Variants in NAV3 observed in about 807,000 individuals in gnomAD.
The protein encoded by NAV3 is pore membrane and/or filament interacting like protein 1.
NAV3 carries 87 observed loss-of-function variants against 244.7 expected under a neutral mutation model. The ratio of observed to expected loss-of-function variants is 0.36; its 90% CI spans 0.30 to 0.42. The LOEUF (loss-of-function observed/expected upper bound fraction) is 0.42, where lower values mean the gene tolerates loss of function less well. NAV3 is among the 20% of genes least tolerant of loss of function. The pLI is 1.00. For synonymous variants in NAV3, 1,126 were observed against 1,042.2 expected, an observed-to-expected ratio of 1.08 and a Z score of -1.55; for missense variants, 2,663 against 2,893.3, an observed-to-expected ratio of 0.92 and a Z score of 1.83.
At chr12:77,998,526 A>G in intron 7 of NAV3, 50 bp downstream of exon 7, 1 of 1,513,294 alleles carries the variant, frequency 6.6e-7, no homozygotes, top group Admixed American at 2.1e-5. Context: ...GAGTCTTGTG[A>G]ATTGCATGCT....
At chr12:78,163,275 C>T (rs1465380876) in intron 23 of NAV3, among the ~76,000 whole-genome samples, 1 of 152,040 alleles carries the variant, frequency 6.6e-6, no homozygotes, top group Non-Finnish European at 1.5e-5. Flanking sequence ...GGATTCACTC[C>T]TAACACTTTT....
At position 78,059,047 on chromosome 12, in the gene NAV3, A is replaced by G. The variant is rs1205488624; in HGVS notation, c.2568A>G (p.Ile856Met). The change falls in exon 12 of 40, where the codon ATA becomes ATG. Residue 856 changes from isoleucine to methionine, a missense_variant. Transcript: ENST00000397909. The stretch of plus-strand genomic sequence containing the variant: ...TATATACTAGAAGTCTGAACCGAAT[A>G]CCAGACACAGCAACTTCCCGGGACA... ...LNLYTRSLNR[I>M]PDTATSRDII... 1.9e-6 allele frequency: 3 copies of G among 1,611,198 alleles called. No homozygotes were observed. Among genetic ancestry groups the G allele is most frequent in the Non-Finnish European group, 2.5e-6 (3 of 1,178,494 alleles).
At position 77,857,382 on chromosome 12, in the gene NAV3, A is replaced by C. The variant is rs1878552046; in HGVS notation, c.243+25678A>C. On this transcript the variant is annotated intron_variant, in intron 1 of 39. Transcript: ENST00000397909. ...TTTTTTGAAATTATGTGATAATTGTAATTTTTCTTTGGTGTTTAGTGTTAA... is the reference window on the plus strand; with the variant it reads ...TTTTTTGAAATTATGTGATAATTGTCATTTTTCTTTGGTGTTTAGTGTTAA... Among the ~76,000 whole-genome samples the C allele has an allele frequency of 1.3e-5, 2 of 151,900 alleles. 1 individual carries two copies. Among genetic ancestry groups the C allele is most frequent in the South Asian group, 4.1e-4 (2 of 4,824 alleles).
At chr12:77,699,158 C>T (rs1875447517) in intron 2 of NAV3, among the ~76,000 whole-genome samples, 1 of 152,060 alleles carries the variant, frequency 6.6e-6, no homozygotes, top group African/African-American at 2.4e-5. Context: ...AAGAATCTTG[C>T]AGGACATGAA....
intron 15 of NAV3, 115 bp downstream of exon 15, chr12:78,120,060 A>ATATC: frequency 2.1e-6 from 1 of 471,282 alleles, no homozygotes; most frequent in African/African-American, 2.3e-5. Context: ...AGGTATATAT[A>ATATC]TATCTTAGAA....
At chr12:77,820,613 T>C (rs1446600852) in intron 2 of NAV3, among the ~76,000 whole-genome samples, 1 of 152,118 alleles carries the variant, frequency 6.6e-6, no homozygotes, top group East Asian at 1.9e-4. Context: ...AGAGATGTGG[T>C]TTTCCAGTTA....
intron 2 of NAV3, among the ~76,000 whole-genome samples, chr12:77,726,913 C>T (rs1278221020): frequency 2.0e-5 from 3 of 151,758 alleles, no homozygotes; most frequent in South Asian, 2.1e-4. Flanking sequence ...TGTAAGACTT[C>T]GTATGCCAAG....
rs75952936 is a variant in NAV3, at chr12:77,949,568, C to T, written c.414+8435C>T. ...TTTTTTTATAGCAAATTTAAGTTCA[C>T]AGCAAAATTGGGAGAAAAGTACAGA... On this transcript the variant is annotated intron_variant, in intron 3 of 39. Coordinates refer to ENST00000397909, the MANE Select transcript of NAV3 (RefSeq NM_001024383.2). Among the ~76,000 whole-genome samples, 1,393 of 151,900 alleles carry T rather than the reference C, an allele frequency of 9.2e-3. 12 individuals are homozygous for T. Among genetic ancestry groups the T allele is most frequent in the Admixed American group, 0.014 (219 of 15,188 alleles).
chr12:77,663,430 A>G (rs1170029861), intron 2 of NAV3, among the ~76,000 whole-genome samples: 1 of 152,232 alleles, frequency 6.6e-6, no homozygotes, highest in African/African-American at 2.4e-5. Flanking sequence ...AGAAACATAC[A>G]AACAAAAAGA....
intron 1 of NAV3, among the ~76,000 whole-genome samples, chr12:77,892,613 C>T (rs751057849): frequency 2.0e-5 from 3 of 152,208 alleles, no homozygotes; most frequent in Middle Eastern, 6.8e-3. Context: ...GATGGGGTTT[C>T]ACGGTGTTAG....
intron 7 of NAV3, 21 bp from the exon 8 acceptor site, chr12:78,006,398 T>C (rs1385638282): frequency 1.9e-6 from 3 of 1,595,508 alleles, no homozygotes; most frequent in East Asian, 2.2e-5. Context: ...TTTCTTTATT[T>C]TTCTTCTAAA....
chr12:78,207,059 T>C (rs1960408819), intron 39 of NAV3, among the ~76,000 whole-genome samples: 1 of 152,170 alleles, frequency 6.6e-6, no homozygotes, highest in African/African-American at 2.4e-5. Flanking sequence ...GGTTTCTCTA[T>C]GTTGATCAGA....
rs577447748 is a variant in NAV3, at chr12:77,843,523, A to AT, written c.243+11831dup. ...GGGGTTCTTTGAATATTAAATTCCT[A>AT]TTTTTTTTTTTTAGGAATCTATAGT... is the stretch of plus-strand genomic sequence containing the variant. On this transcript the variant is annotated intron_variant, in intron 1 of 39. Transcript: ENST00000397909. 2.6e-3 allele frequency among the ~76,000 whole-genome samples: 367 copies of AT among 140,058 alleles called. 1 individual carries two copies. The Middle Eastern group carries it at 0.027, about 10-fold the overall frequency. The allele number at this position is 140,058 out of a possible 152,430, so 91.9% of individuals were successfully genotyped here.
intron 12 of NAV3, among the ~76,000 whole-genome samples, chr12:78,099,823 C>T (rs1954449506): frequency 6.6e-6 from 1 of 151,908 alleles, no homozygotes; most frequent in Non-Finnish European, 1.5e-5. Flanking sequence ...TGTTTCTACT[C>T]TCCTTCAGAT....
chr12:78,078,522 A>G (rs1953180998), intron 12 of NAV3, among the ~76,000 whole-genome samples: 2 of 148,378 alleles, frequency 1.3e-5, no homozygotes, highest in South Asian at 4.2e-4. Context: ...CAGCCTCCCA[A>G]GTAGCTGGGA....
chr12:77,999,834 T>C (rs529159232), intron 7 of NAV3, among the ~76,000 whole-genome samples: 3 of 152,056 alleles, frequency 2.0e-5, no homozygotes, highest in East Asian at 3.9e-4. Context: ...TTCTAAAAAA[T>C]ATTATACAAG....
At chr12:77,920,159 T>C (rs938718273) in intron 1 of NAV3, among the ~76,000 whole-genome samples, 7 of 151,968 alleles carry the variant, frequency 4.6e-5, no homozygotes, top group African/African-American at 1.7e-4. Context: ...AAATAGTAGT[T>C]TCCTCATCTG....
At chr12:77,908,775 T>C (rs1468960169) in intron 1 of NAV3, among the ~76,000 whole-genome samples, 1 of 152,096 alleles carries the variant, frequency 6.6e-6, no homozygotes, top group Non-Finnish European at 1.5e-5. Flanking sequence ...TTTTTCTGCT[T>C]TGCATAATTT....
At chr12:77,909,159 C>T (rs1421036016) in intron 1 of NAV3, among the ~76,000 whole-genome samples, 1 of 151,890 alleles carries the variant, frequency 6.6e-6, no homozygotes, top group South Asian at 2.1e-4. Flanking sequence ...ACCGTTTTTG[C>T]TAGATTAACA....
Sources: allele counts gnomAD v4.1 joint callset (sites outside exome capture counted in the v4.1 genomes callset), GRCh38; gene constraint gnomAD v4.1.1; transcripts MANE v1.5; gene names NCBI Gene and HGNC (gene_info 2026-07-23, HGNC 2026-07-21).